The following PTPRG variants were observed in gnomAD, a reference collection of about 807,000 sequenced individuals.
PTPRG encodes receptor-type tyrosine-protein phosphatase gamma.
Under a neutral mutation model 165.3 loss-of-function variants are expected in PTPRG, and 102 were observed. The ratio of observed to expected loss-of-function variants is 0.62; its 90% CI spans 0.53 to 0.73. The LOEUF (loss-of-function observed/expected upper bound fraction) is 0.73, where lower values mean the gene tolerates loss of function less well. Ranked by LOEUF, PTPRG falls within the 30% of genes least tolerant of loss-of-function variation. The probability of loss-of-function intolerance (pLI) is 0.00; values close to 1 mark genes in which losing one functional copy is unlikely to be tolerated. For missense variants in PTPRG, 1,866 were observed against 1,861.4 expected, an observed-to-expected ratio of 1.00 and a Z score of -0.05; for synonymous variants, 675 against 669.5, an observed-to-expected ratio of 1.01 and a Z score of -0.13.
At chr3:62,081,147 C>T (rs1297130957) in intron 5 of PTPRG, among the ~76,000 whole-genome samples, 1 of 151,626 alleles carries the variant, frequency 6.6e-6, no homozygotes, top group Non-Finnish European at 1.5e-5. Context: ...GTCCCAGCTA[C>T]TCGGGAGGCT....
chr3:62,242,677 A>T (rs999587865), intron 14 of PTPRG, among the ~76,000 whole-genome samples: 1 of 152,034 alleles, frequency 6.6e-6, no homozygotes, highest in Non-Finnish European at 1.5e-5. Flanking sequence ...AACCTTCCCA[A>T]CCCTAGCCCC....
intron 2 of PTPRG, among the ~76,000 whole-genome samples, chr3:61,848,796 G>A (rs1404599366): frequency 1.3e-5 from 2 of 152,128 alleles, no homozygotes; most frequent in African/African-American, 4.8e-5. Context: ...TACCTGTACT[G>A]TGCTCCTACT....
intron 1 of PTPRG, among the ~76,000 whole-genome samples, chr3:61,625,107 G>T (rs1434161414): frequency 6.6e-6 from 1 of 151,206 alleles, no homozygotes; most frequent in Non-Finnish European, 1.5e-5. Flanking sequence ...AGCCATATTC[G>T]ATTAGGGTCC....
At chr3:61,715,903 G>A (rs1331391205) in intron 1 of PTPRG, among the ~76,000 whole-genome samples, 1 of 151,646 alleles carries the variant, frequency 6.6e-6, no homozygotes, top group Admixed American at 6.6e-5. Flanking sequence ...AGAAGTGAGT[G>A]CTAACTCTGT....
rs182759563 is a variant in PTPRG, at chr3:61,691,343, G to T, written c.86-57535G>T. Reference sequence around the variant, plus strand: ...GATCGCTTAAGCCCAGGACATAAAGGCTACAGTGAGTTGTGATCACACCAC... The same window carrying T: ...GATCGCTTAAGCCCAGGACATAAAGTCTACAGTGAGTTGTGATCACACCAC... On this transcript the variant is annotated intron_variant, in intron 1 of 29. Coordinates refer to ENST00000474889, the MANE Select transcript of PTPRG (RefSeq NM_002841.4). 1.1e-4 allele frequency among the ~76,000 whole-genome samples: 16 copies of T among 152,256 alleles called. No homozygotes were observed. In the East Asian group the frequency reaches 1.9e-3, roughly 18 times the overall value.
chr3:61,874,168 C>T (rs1000129714), intron 2 of PTPRG, among the ~76,000 whole-genome samples: 2 of 152,120 alleles, frequency 1.3e-5, no homozygotes, highest in African/African-American at 4.8e-5. Context: ...CTTATCTTTC[C>T]AGGTTGAGCC....
intron 2 of PTPRG, among the ~76,000 whole-genome samples, chr3:61,869,077 G>T (rs2037489490): frequency 6.6e-6 from 1 of 152,070 alleles, no homozygotes; most frequent in South Asian, 2.1e-4. Flanking sequence ...CTAATCTCCT[G>T]CTGATTTTAT....
chr3:61,688,644 C>T (rs2029934057), intron 1 of PTPRG, among the ~76,000 whole-genome samples: 1 of 152,192 alleles, frequency 6.6e-6, no homozygotes, highest in South Asian at 2.1e-4. Flanking sequence ...GCCAGTATCC[C>T]CACCACCCGC....
At chr3:61,720,744 A>G (rs2032011289) in intron 1 of PTPRG, among the ~76,000 whole-genome samples, 2 of 152,224 alleles carry the variant, frequency 1.3e-5, no homozygotes, top group African/African-American at 4.8e-5. Context: ...ATACTGGAAG[A>G]GAGACCTGTA....
intron 1 of PTPRG, among the ~76,000 whole-genome samples, chr3:61,643,775 C>A (rs1328339085): frequency 2.7e-5 from 4 of 149,438 alleles, no homozygotes; most frequent in East Asian, 1.9e-4. Context: ...AAAAAAAAAA[C>A]AAAAAAGCAC....
At chr3:62,289,988 A>G (rs1192783798) in intron 28 of PTPRG, among the ~76,000 whole-genome samples, 1 of 152,098 alleles carries the variant, frequency 6.6e-6, no homozygotes, top group East Asian at 1.9e-4. Flanking sequence ...GAGAAGCCAC[A>G]AACTATTAAA....
At chr3:61,997,645 G>T (rs1559737010) in intron 3 of PTPRG, among the ~76,000 whole-genome samples, 1 of 152,134 alleles carries the variant, frequency 6.6e-6, no homozygotes, top group East Asian at 1.9e-4. Flanking sequence ...TGCTTCTGTT[G>T]TCTGTTTAGT....
intron 16 of PTPRG, among the ~76,000 whole-genome samples, chr3:62,256,995 A>T (rs988742839): frequency 2.0e-5 from 3 of 152,146 alleles, no homozygotes; most frequent in Admixed American, 6.5e-5. Context: ...GTATTAGCTG[A>T]TACTTATGGG....
At chr3:61,866,037 C>G (rs2037396608) in intron 2 of PTPRG, among the ~76,000 whole-genome samples, 2 of 152,090 alleles carry the variant, frequency 1.3e-5, no homozygotes, top group Non-Finnish European at 2.9e-5. Flanking sequence ...TTTGAAGGGC[C>G]AGCGTGAGGA....
At chr3:61,845,700 C>T (rs1213319014) in intron 2 of PTPRG, among the ~76,000 whole-genome samples, 4 of 152,196 alleles carry the variant, frequency 2.6e-5, no homozygotes, top group Admixed American at 2.0e-4. Context: ...CAAGGTGAAT[C>T]ACTTCGGAGA....
chr3:61,744,270 G>A (rs1232285240), intron 1 of PTPRG, among the ~76,000 whole-genome samples: 1 of 152,166 alleles, frequency 6.6e-6, no homozygotes, highest in East Asian at 1.9e-4. Context: ...TTGAGGAGAG[G>A]ACTTAAAGTG....
chr3:61,713,534 T>C (rs1030016931), intron 1 of PTPRG, among the ~76,000 whole-genome samples: 1 of 152,050 alleles, frequency 6.6e-6, no homozygotes, highest in African/African-American at 2.4e-5. Flanking sequence ...GCAAGGGGAT[T>C]ATAGTAGAGA....
At chr3:62,080,061 CATTTT>C (rs1701513791) in intron 5 of PTPRG, among the ~76,000 whole-genome samples, 1 of 111,568 alleles carries the variant, frequency 9.0e-6, no homozygotes, top group Non-Finnish European at 1.8e-5. Context: ...CCCTTCGGTT[CATTTT>C]TTTTTTTTTT....
intron 4 of PTPRG, among the ~76,000 whole-genome samples, chr3:62,054,907 C>T (rs1229479906): frequency 6.6e-6 from 1 of 152,068 alleles, no homozygotes; most frequent in Admixed American, 6.6e-5. Context: ...TTAGTGGGAG[C>T]AAAAAGTAGA....
Sources: gnomAD v4.1 joint callset for allele counts (sites outside exome capture counted in the v4.1 genomes callset) on GRCh38, gnomAD v4.1.1 for gene constraint, MANE v1.5 for transcripts, NCBI Gene and HGNC (gene_info 2026-07-23, HGNC 2026-07-21) for gene names.